Variants in ACMSD observed in about 807,000 individuals in gnomAD.
The protein encoded by ACMSD is aminocarboxymuconate semialdehyde decarboxylase.
In ACMSD, 37 loss-of-function variants were observed where a neutral mutation model predicts 45.9. The observed-to-expected ratio is 0.81, with a 90% confidence interval of 0.62 to 1.06. The LOEUF (loss-of-function observed/expected upper bound fraction) is 1.06, where lower values mean the gene tolerates loss of function less well. Ranked by LOEUF, ACMSD falls within the 50% of genes least tolerant of loss-of-function variation. The probability of loss-of-function intolerance (pLI) is 0.00; values close to 1 mark genes in which losing one functional copy is unlikely to be tolerated. For synonymous variants in ACMSD, 138 were observed against 148.8 expected (o/e 0.93, Z 0.53); for missense variants, 434 against 420.9 (o/e 1.03, Z -0.27).
chr2:134,867,768 T>C, intron 6 of ACMSD, 96 bp downstream of exon 6: 1 of 973,628 alleles, frequency 1.0e-6, no homozygotes, highest in Non-Finnish European at 1.6e-6. Context: ...AAAGTATGAA[T>C]AATTAACAGG....
chr2:134,866,761 T>G (rs1391973408), intron 5 of ACMSD, among the ~76,000 whole-genome samples: 1 of 152,218 alleles, frequency 6.6e-6, no homozygotes, highest in Non-Finnish European at 1.5e-5. Context: ...CAATGCCTGT[T>G]GAGGAGACTT....
At chr2:134,842,363 G>A (rs1686844038) in intron 1 of ACMSD, among the ~76,000 whole-genome samples, 1 of 152,120 alleles carries the variant, frequency 6.6e-6, no homozygotes, top group Non-Finnish European at 1.5e-5. Context: ...GAAAGGGAGG[G>A]AGGGACACAG....
At chr2:134,883,633 C>G (rs573782594) in intron 8 of ACMSD, among the ~76,000 whole-genome samples, 1 of 152,180 alleles carries the variant, frequency 6.6e-6, no homozygotes, top group South Asian at 2.1e-4. Flanking sequence ...TCCTGAGGAG[C>G]TGGGACACAG....
intron 8 of ACMSD, among the ~76,000 whole-genome samples, chr2:134,877,162 A>G (rs1304612921): frequency 1.3e-5 from 2 of 152,216 alleles, no homozygotes; most frequent in Admixed American, 1.3e-4. Flanking sequence ...ATTGCACATA[A>G]TAATAGTAGT....
chr2:134,862,297 C>T (rs1417362079), intron 4 of ACMSD, among the ~76,000 whole-genome samples: 1 of 152,192 alleles, frequency 6.6e-6, no homozygotes, highest in East Asian at 1.9e-4. Context: ...CAGAACTTAC[C>T]TGTCTGGTGA....
chr2:134,842,559 T>C (rs1686854036), intron 1 of ACMSD, among the ~76,000 whole-genome samples: 1 of 152,038 alleles, frequency 6.6e-6, no homozygotes, highest in Non-Finnish European at 1.5e-5. Context: ...ATTGCCACCA[T>C]ACTCACTACT....
intron 2 of ACMSD, among the ~76,000 whole-genome samples, chr2:134,851,346 G>T (rs13390198): frequency 0.027 from 4,076 of 152,236 alleles, 67 homozygotes; most frequent in South Asian, 0.034. Flanking sequence ...TCACTAGGTT[G>T]AATGGCAATT....
At chr2:134,897,575 T>C (rs1332020655) in intron 8 of ACMSD, among the ~76,000 whole-genome samples, 2 of 152,124 alleles carry the variant, frequency 1.3e-5, no homozygotes, top group African/African-American at 4.8e-5. Flanking sequence ...GGTTTGAATT[T>C]TTATTTTATT....
chr2:134,863,243 A>G (rs1257019454), intron 4 of ACMSD, 152 bp from the exon 5 acceptor site: 1 of 964,904 alleles, frequency 1.0e-6, no homozygotes, highest in African/African-American at 1.6e-5. Context: ...GTCTGTGGCC[A>G]GCACCTTTCC....
At chr2:134,863,041 C>T (rs1559048685) in intron 4 of ACMSD, 7 of 981,356 alleles carry the variant, frequency 7.1e-6, no homozygotes, top group Non-Finnish European at 8.4e-6. Flanking sequence ...TGGCCAGGCC[C>T]GACCTCCTGG....
intron 8 of ACMSD, among the ~76,000 whole-genome samples, chr2:134,876,049 A>C (rs1335216006): frequency 4.6e-5 from 7 of 152,242 alleles, no homozygotes. Context: ...ATATCTAAAC[A>C]TAAAAAGGGT....
intron 2 of ACMSD, among the ~76,000 whole-genome samples, chr2:134,855,952 C>T (rs1372934928): frequency 6.6e-6 from 1 of 152,150 alleles, no homozygotes; most frequent in Non-Finnish European, 1.5e-5. Context: ...GATCATTGCA[C>T]ACCCACTTGG....
chr2:134,886,246 AT>A lies in ACMSD; in HGVS notation c.850-12073del, dbSNP rs756206850. Among the ~76,000 whole-genome samples, 861 of 115,416 alleles carry A rather than the reference AT, an allele frequency of 7.5e-3. 5 individuals are homozygous for A. Among genetic ancestry groups the A allele is most frequent in the African/African-American group, 0.025 (690 of 27,696 alleles). The allele number at this position is 115,416 out of a possible 152,430, so 75.7% of individuals were successfully genotyped here. On this transcript the variant is annotated intron_variant, in intron 8 of 9. Transcript: ENST00000356140. Reference sequence around the variant, plus strand: ...TCATTACCCATTCATTATTATTATTATTTTTTTTTTTTTTTTTTTTTTGGCA... The same window carrying A: ...TCATTACCCATTCATTATTATTATTATTTTTTTTTTTTTTTTTTTTTGGCA...
At chr2:134,893,364 A>AT (rs1174739836) in intron 8 of ACMSD, among the ~76,000 whole-genome samples, 1 of 151,690 alleles carries the variant, frequency 6.6e-6, no homozygotes, top group African/African-American at 2.4e-5. Context: ...ACACCAAGCT[A>AT]ATTTGTTTTA....
Position 134,845,259 on chromosome 2 carries a change from G to A in ACMSD, c.84G>A (p.Gln28=), listed in dbSNP as rs1450707736. 1 of 1,614,068 alleles carries A rather than the reference G, an allele frequency of 6.2e-7. No individual in the cohort carries two copies. The highest frequency in any genetic ancestry group is 1.1e-5 in the South Asian group (1 of 91,086). The change falls in exon 2 of 10, where the codon CAG becomes CAA. Residue 28 remains glutamine, a synonymous_variant. Transcript: ENST00000356140. ...KKRFGYGGWV[Q]LQHHSKGEAK... ...GGTTTGGCTACGGAGGCTGGGTGCA[G>A]CTCCAACACCACAGCAAGGTGAGTT...
chr2:134,895,342 T>C (rs1690062090), intron 8 of ACMSD, among the ~76,000 whole-genome samples: 2 of 145,824 alleles, frequency 1.4e-5, no homozygotes, highest in Non-Finnish European at 3.0e-5. Flanking sequence ...ATATATAATA[T>C]ATATATAACA....
intron 3 of ACMSD, among the ~76,000 whole-genome samples, chr2:134,860,402 A>T (rs926696459): frequency 3.3e-5 from 5 of 152,290 alleles, no homozygotes; most frequent in Middle Eastern, 6.8e-3. Flanking sequence ...TTCCAGACAC[A>T]TGTGGGCTGT....
At chr2:134,845,816 A>G (rs997391853) in intron 2 of ACMSD, among the ~76,000 whole-genome samples, 2 of 152,108 alleles carry the variant, frequency 1.3e-5, no homozygotes, top group Admixed American at 6.6e-5. Flanking sequence ...GAGCCCCAAG[A>G]GTGAGCTGGG....
At chr2:134,843,744 C>T (rs1319945480) in intron 1 of ACMSD, among the ~76,000 whole-genome samples, 3 of 152,222 alleles carry the variant, frequency 2.0e-5, no homozygotes, top group Non-Finnish European at 2.9e-5. Context: ...CTATCTCCTG[C>T]CTCCATTCCT....
Sources: allele counts gnomAD v4.1 joint callset (sites outside exome capture counted in the v4.1 genomes callset), GRCh38; gene constraint gnomAD v4.1.1; transcripts MANE v1.5; gene names NCBI Gene and HGNC (gene_info 2026-07-23, HGNC 2026-07-21).